UGT1A8: variants seen among roughly 807,000 people sequenced by gnomAD.
The protein encoded by UGT1A8 is UDP-glucuronosyltransferase 1A8.
UGT1A8 carries 39 observed loss-of-function variants against 45.3 expected under a neutral mutation model. The ratio of observed to expected loss-of-function variants is 0.86; its 90% CI spans 0.67 to 1.12. The LOEUF is 1.12. Among genes scored for constraint, UGT1A8 ranks in the 50% most tolerant of loss-of-function variants. UGT1A8 has a pLI of 0.00. For synonymous variants in UGT1A8, 275 were observed against 249.2 expected, an observed-to-expected ratio of 1.10 and a Z score of -0.97; for missense variants, 719 against 664.9, an observed-to-expected ratio of 1.08 and a Z score of -0.90.
intron 1 of UGT1A8, chr2:233,713,941 T>A: frequency 6.2e-7 from 1 of 1,610,292 alleles, no homozygotes; most frequent in Non-Finnish European, 8.5e-7. Context: ...TGCTTCCATA[T>A]CTACTTATCT....
At chr2:233,766,928 C>A in intron 1 of UGT1A8, 106 bp from the exon 2 acceptor site, 12 of 1,578,030 alleles carry the variant, frequency 7.6e-6, no homozygotes, top group Non-Finnish European at 9.4e-6. Context: ...ACACGCATGC[C>A]TTTAATCATA....
chr2:233,620,732 G>A (rs1441796967), intron 1 of UGT1A8, among the ~76,000 whole-genome samples: 1 of 152,184 alleles, frequency 6.6e-6, no homozygotes, highest in African/African-American at 2.4e-5. Flanking sequence ...ATCTGAAAGA[G>A]GGCTTTCTGT....
At chr2:233,699,418 A>G (rs1463010135) in intron 1 of UGT1A8, among the ~76,000 whole-genome samples, 5 of 152,178 alleles carry the variant, frequency 3.3e-5, no homozygotes, top group African/African-American at 1.2e-4. Context: ...TTTGCATTTC[A>G]TTATTAGAAG....
chr2:233,728,515 A>G (rs2077723500), intron 1 of UGT1A8, among the ~76,000 whole-genome samples: 5 of 152,152 alleles, frequency 3.3e-5, no homozygotes, highest in Admixed American at 2.6e-4. Context: ...AGCTTTTTCT[A>G]TATTGACAGC....
At chr2:233,691,284 A>T (rs555799821) in intron 1 of UGT1A8, 2 of 985,524 alleles carry the variant, frequency 2.0e-6, no homozygotes, top group South Asian at 9.4e-5. Context: ...GACTTTGATC[A>T]TTGTAAGCTG....
At chr2:233,635,788 TCA>T (rs1345808320) in intron 1 of UGT1A8, among the ~76,000 whole-genome samples, 1 of 150,914 alleles carries the variant, frequency 6.6e-6, no homozygotes, top group African/African-American at 2.5e-5. Context: ...AGTAGAGCAG[TCA>T]CAGAGAGGCA....
chr2:233,629,952 T>C (rs2073157740), intron 1 of UGT1A8, among the ~76,000 whole-genome samples: 1 of 152,154 alleles, frequency 6.6e-6, no homozygotes, highest in South Asian at 2.1e-4. Context: ...TTTTAACATC[T>C]GTAGAATCTA....
intron 1 of UGT1A8, among the ~76,000 whole-genome samples, chr2:233,675,972 A>G (rs1376921582): frequency 1.3e-5 from 2 of 152,192 alleles, no homozygotes; most frequent in South Asian, 2.1e-4. Context: ...CTCACACAAC[A>G]TCTTTCCATA....
At chr2:233,714,498 TA>T (rs1254150300) in intron 1 of UGT1A8, among the ~76,000 whole-genome samples, 1 of 152,156 alleles carries the variant, frequency 6.6e-6, no homozygotes, top group Non-Finnish European at 1.5e-5. Flanking sequence ...AGACACTACT[TA>T]AAAAAAATTC....
intron 1 of UGT1A8, among the ~76,000 whole-genome samples, chr2:233,654,332 C>T (rs2073806687): frequency 6.6e-6 from 1 of 152,154 alleles, no homozygotes; most frequent in South Asian, 2.1e-4. Context: ...TTTCAGAATT[C>T]AACCTTCAGG....
chr2:233,720,478 G>A (rs1452350529), intron 1 of UGT1A8, among the ~76,000 whole-genome samples: 1 of 152,164 alleles, frequency 6.6e-6, no homozygotes, highest in African/African-American at 2.4e-5. Flanking sequence ...GAATGGACAT[G>A]TGTCCAAGAA....
intron 1 of UGT1A8, chr2:233,693,814 C>T (rs2075182477): frequency 6.2e-7 from 1 of 1,614,220 alleles, no homozygotes; most frequent in Non-Finnish European, 8.5e-7. Context: ...TCATGCCCAA[C>T]ATGGTCTTCA....
intron 1 of UGT1A8, chr2:233,693,301 T>C: frequency 6.2e-7 from 1 of 1,614,174 alleles, no homozygotes; most frequent in African/African-American, 1.3e-5. Flanking sequence ...ACAATCACTT[T>C]GCTGAGCGAT....
intron 1 of UGT1A8, among the ~76,000 whole-genome samples, chr2:233,633,367 A>G (rs1045747805): frequency 1.3e-5 from 2 of 152,152 alleles, no homozygotes; most frequent in African/African-American, 2.4e-5. Flanking sequence ...ATTGTTTGGA[A>G]TAGTTTCAGA....
intron 1 of UGT1A8, among the ~76,000 whole-genome samples, chr2:233,744,197 G>A (rs540976533): frequency 1.3e-5 from 2 of 151,982 alleles, no homozygotes; most frequent in East Asian, 1.9e-4. Flanking sequence ...TCTCCAAAAA[G>A]GATGGGAAAA....
intron 1 of UGT1A8, chr2:233,648,027 G>A (rs1389242594): frequency 3.8e-6 from 6 of 1,596,754 alleles, no homozygotes; most frequent in African/African-American, 2.7e-5. Flanking sequence ...AGGTGAGTTG[G>A]CAACTGGGAA....
intron 1 of UGT1A8, among the ~76,000 whole-genome samples, chr2:233,709,465 G>T (rs891183969): frequency 1.3e-5 from 2 of 152,060 alleles, no homozygotes; most frequent in African/African-American, 4.8e-5. Flanking sequence ...CAATCATTTT[G>T]GGGCTTATAA....
intron 1 of UGT1A8, among the ~76,000 whole-genome samples, chr2:233,684,329 C>T (rs2074674843): frequency 6.6e-6 from 1 of 152,170 alleles, no homozygotes; most frequent in Non-Finnish European, 1.5e-5. Context: ...TTGTAGGACG[C>T]TAAGAGGATA....
chr2:233,771,796 C>A (rs373628815), intron 4 of UGT1A8, among the ~76,000 whole-genome samples: 1 of 151,712 alleles, frequency 6.6e-6, no homozygotes, highest in Non-Finnish European at 1.5e-5. Flanking sequence ...CCCTCCCTCC[C>A]TCCCTCCCTT....
Sources: gnomAD v4.1 joint callset for allele counts (sites outside exome capture counted in the v4.1 genomes callset) on GRCh38, gnomAD v4.1.1 for gene constraint, MANE v1.5 for transcripts, NCBI Gene and HGNC (gene_info 2026-07-23, HGNC 2026-07-21) for gene names.